The following DAB1 variants were observed in gnomAD, a reference collection of about 807,000 sequenced individuals.
The protein encoded by DAB1 is disabled homolog 1.
A neutral mutation model predicts 64.6 loss-of-function variants in DAB1; 15 were observed. The ratio of observed to expected loss-of-function variants is 0.23; its 90% CI spans 0.16 to 0.36. The LOEUF (loss-of-function observed/expected upper bound fraction) is 0.36, where lower values mean the gene tolerates loss of function less well. DAB1 is among the 10% of genes least tolerant of loss of function. The pLI is 1.00. For synonymous variants in DAB1, 235 were observed against 251.9 expected (o/e 0.93, Z 0.64); for missense variants, 596 against 706.7 (o/e 0.84, Z 1.78).
chr1:57,077,870 C>T (rs1191710164), intron 4 of DAB1, among the ~76,000 whole-genome samples: 2 of 151,278 alleles, frequency 1.3e-5, no homozygotes, highest in East Asian at 1.9e-4. Flanking sequence ...TGTGCTTTCC[C>T]GAGGCAATAC....
chr1:58,122,765 C>T lies in DAB1; in HGVS notation n.387+27746G>A, dbSNP rs141262051. On this transcript the variant is annotated intron_variant and non_coding_transcript_variant, in intron 5 of 20. Coordinates refer to the DAB1 transcript ENST00000485760. The stretch of plus-strand genomic sequence containing the variant: ...TGTATAGGAAAGGGTGTTGACAGGG[C>T]TTTGGTGATTATTATTAAAAATTAA... Among the ~76,000 whole-genome samples, 89 of 152,132 alleles carry T rather than the reference C, an allele frequency of 5.9e-4. No individual in the cohort carries two copies. The East Asian group carries it at 0.014, about 23-fold the overall frequency.
intron 3 of DAB1, among the ~76,000 whole-genome samples, chr1:58,492,115 C>A (rs1270367378): frequency 1.3e-5 from 2 of 152,180 alleles, no homozygotes; most frequent in Non-Finnish European, 2.9e-5. Flanking sequence ...GAAACCCACT[C>A]AAAACCACTC....
chr1:58,082,716 G>C (rs1309093523), intron 5 of DAB1, among the ~76,000 whole-genome samples: 1 of 152,090 alleles, frequency 6.6e-6, no homozygotes, highest in Admixed American at 6.5e-5. Context: ...GCAGGAGAAG[G>C]TAAATGACTG....
At chr1:58,194,430 G>A (rs1364137798) in intron 4 of DAB1, among the ~76,000 whole-genome samples, 1 of 152,156 alleles carries the variant, frequency 6.6e-6, no homozygotes, top group South Asian at 2.1e-4. Flanking sequence ...ATAAAAACAA[G>A]TTAAGGCATA....
intron 2 of DAB1, among the ~76,000 whole-genome samples, chr1:57,235,746 A>G (rs1339288306): frequency 6.6e-6 from 1 of 151,690 alleles, no homozygotes; most frequent in Admixed American, 6.6e-5. Flanking sequence ...ATATGGTTGA[A>G]TCACATCTGT....
At chr1:58,473,224 C>G (rs917670835) in intron 3 of DAB1, among the ~76,000 whole-genome samples, 2 of 152,146 alleles carry the variant, frequency 1.3e-5, no homozygotes, top group Non-Finnish European at 2.9e-5. Context: ...CACTCAGACT[C>G]TCTGGGCTCA....
chr1:57,798,712 G>A lies in DAB1; in HGVS notation n.551+85287C>T, dbSNP rs570354613. Among the ~76,000 whole-genome samples the A allele has an allele frequency of 1.5e-4, 23 of 152,326 alleles. No homozygotes were observed. The South Asian group carries it at 4.6e-3, about 30-fold the overall frequency. ...GATGGGAAATGTTTTAATATGATAA[G>A]TCCTTCACTGTGGATTAGTATACAT... On this transcript the variant is annotated intron_variant and non_coding_transcript_variant, in intron 6 of 20. Transcript: ENST00000485760.
chr1:57,293,627 A>G (rs1374317300), intron 1 of DAB1, among the ~76,000 whole-genome samples: 1 of 152,224 alleles, frequency 6.6e-6, no homozygotes, highest in African/African-American at 2.4e-5. Context: ...TTTACAAAGG[A>G]GGAAATTGAT....
chr1:57,957,906 T>C (rs923219685), intron 5 of DAB1, among the ~76,000 whole-genome samples: 7 of 152,110 alleles, frequency 4.6e-5, no homozygotes, highest in Admixed American at 4.6e-4. Flanking sequence ...TCTTTGATTG[T>C]GGGAAGAAGT....
chr1:57,142,038 A>G (rs1658630457), intron 3 of DAB1, among the ~76,000 whole-genome samples: 1 of 152,324 alleles, frequency 6.6e-6, no homozygotes, highest in Non-Finnish European at 1.5e-5. Context: ...TGTATCTCAT[A>G]TGATCAAAAG....
chr1:57,139,018 C>G (rs1658362830), intron 3 of DAB1, among the ~76,000 whole-genome samples: 1 of 152,134 alleles, frequency 6.6e-6, no homozygotes, highest in South Asian at 2.1e-4. Context: ...AATCTGTGTT[C>G]TCAGATAGAT....
chr1:58,125,863 C>T (rs1363000944), intron 5 of DAB1, among the ~76,000 whole-genome samples: 3 of 152,026 alleles, frequency 2.0e-5, no homozygotes, highest in African/African-American at 4.8e-5. Context: ...TACAGAGAGG[C>T]GTGACTGGTT....
chr1:57,695,014 T>A (rs571380046), intron 6 of DAB1, among the ~76,000 whole-genome samples: 30 of 152,152 alleles, frequency 2.0e-4, no homozygotes, highest in Admixed American at 9.8e-4. Context: ...CTAAATTTTT[T>A]AAAAATAATT....
At chr1:57,227,163 C>G (rs1178547752) in intron 2 of DAB1, among the ~76,000 whole-genome samples, 1 of 152,042 alleles carries the variant, frequency 6.6e-6, no homozygotes, top group African/African-American at 2.4e-5. Flanking sequence ...TGACAGTGAT[C>G]AAATAATCAA....
intron 2 of DAB1, among the ~76,000 whole-genome samples, chr1:57,201,681 G>C (rs566015849): frequency 5.3e-5 from 8 of 152,198 alleles, no homozygotes; most frequent in African/African-American, 1.9e-4. Context: ...TTCCGTTCTA[G>C]TGGAACATAG....
At position 56,999,098 on chromosome 1, in the gene DAB1, G is replaced by T. The variant is rs557670826; in HGVS notation, c.*16-970C>A. 1.1e-4 allele frequency among the ~76,000 whole-genome samples: 17 copies of T among 151,210 alleles called. 1 individual carries two copies. In the East Asian group the frequency reaches 3.1e-3, roughly 28 times the overall value. On this transcript the variant is annotated intron_variant, in intron 14 of 14. Coordinates refer to ENST00000371236, the MANE Select transcript of DAB1 (RefSeq NM_001365792.1). ...TATTTGATATATTAGCTTGTCCCCT[G>T]CCTTGTCATATAGGTTCTTATTATT...
intron 1 of DAB1, among the ~76,000 whole-genome samples, chr1:57,319,315 G>C (rs149925724): frequency 8.5e-5 from 13 of 152,232 alleles, no homozygotes; most frequent in African/African-American, 3.1e-4. Flanking sequence ...CTGAGGATTG[G>C]GGGAGGGCAG....
At chr1:58,175,172 G>A (rs1021925445) in intron 4 of DAB1, among the ~76,000 whole-genome samples, 13 of 152,148 alleles carry the variant, frequency 8.5e-5, no homozygotes, top group African/African-American at 1.7e-4. Context: ...CACTCACCAC[G>A]AGGGTCTGCA....
rs953714414 is a variant in DAB1, at chr1:57,766,195, T to C, written n.552-116530A>G. Among the ~76,000 whole-genome samples, 14 of 151,728 alleles carry C rather than the reference T, an allele frequency of 9.2e-5. 1 individual carries two copies. The highest frequency in any genetic ancestry group is 3.4e-4 in the African/African-American group (14 of 41,326). ...TCATCTCTTGCCTAGATTGTTATAA[T>C]AGTTACCTGATTTCCCCCCATGTGT... On this transcript the variant is annotated intron_variant and non_coding_transcript_variant, in intron 6 of 20. Coordinates refer to the DAB1 transcript ENST00000485760.
Sources: gnomAD v4.1 joint callset for allele counts (sites outside exome capture counted in the v4.1 genomes callset) on GRCh38, gnomAD v4.1.1 for gene constraint, MANE v1.5 for transcripts, NCBI Gene and HGNC (gene_info 2026-07-23, HGNC 2026-07-21) for gene names.